The following ACVR1 variants were observed in gnomAD, a reference collection of about 807,000 sequenced individuals.
ACVR1 encodes activin A receptor type 1, also known as activin receptor type-1.
A neutral mutation model predicts 57.1 loss-of-function variants in ACVR1; 38 were observed. The ratio of observed to expected loss-of-function variants is 0.67; its 90% CI spans 0.51 to 0.87. ACVR1 has a LOEUF of 0.87. ACVR1 is among the 40% of genes least tolerant of loss of function. ACVR1 has a pLI of 0.00. For synonymous variants in ACVR1, 212 were observed against 228.1 expected (o/e 0.93, Z 0.63); for missense variants, 463 against 638.2 (o/e 0.73, Z 2.96).
intron 3 of ACVR1, among the ~76,000 whole-genome samples, chr2:157,783,954 G>A (rs879717810): frequency 4.6e-5 from 7 of 152,184 alleles, no homozygotes; most frequent in Admixed American, 2.6e-4. Flanking sequence ...CATTCGCTAC[G>A]TGCCACCTTG....
chr2:157,868,264 C>T (rs965542833), intron 1 of ACVR1, among the ~76,000 whole-genome samples: 3 of 151,774 alleles, frequency 2.0e-5, no homozygotes, highest in African/African-American at 7.3e-5. Context: ...GTGGGTGAAT[C>T]ACGAGGTCAG....
intron 9 of ACVR1, among the ~76,000 whole-genome samples, chr2:157,744,852 C>T (rs899340302): frequency 1.3e-5 from 2 of 152,186 alleles, no homozygotes; most frequent in Non-Finnish European, 2.9e-5. Flanking sequence ...GGCCGCTTGG[C>T]CCGGCCACAC....
At chr2:157,795,381 CA>C (rs879376033) in intron 3 of ACVR1, among the ~76,000 whole-genome samples, 277 of 6,130 alleles carry the variant, frequency 0.045, 1 homozygote, top group Middle Eastern at 0.15. Context: ...CCATAGAACA[CA>C]CACACACACA....
At chr2:157,851,894 CACACACACACACACA>C in intron 1 of ACVR1, among the ~76,000 whole-genome samples, 1 of 38,898 alleles carries the variant, frequency 2.6e-5, no homozygotes, top group African/African-American at 5.6e-5. Flanking sequence ...CACACACACA[CACACACACACACACA>C]CCACCCCCAC....
At chr2:157,851,897 AC>A (rs1559094029) in intron 1 of ACVR1, among the ~76,000 whole-genome samples, 4 of 6,314 alleles carry the variant, frequency 6.3e-4, no homozygotes, top group Non-Finnish European at 2.4e-3. Flanking sequence ...ACACACACAC[AC>A]ACACACACAC....
At chr2:157,822,998 A>G (rs1322236557) in intron 1 of ACVR1, among the ~76,000 whole-genome samples, 1 of 152,276 alleles carries the variant, frequency 6.6e-6, no homozygotes, top group African/African-American at 2.4e-5. Flanking sequence ...TAGGATATGT[A>G]TACAGTATGC....
chr2:157,777,374 TACAC>T (rs1395260214), intron 5 of ACVR1, among the ~76,000 whole-genome samples: 4 of 152,232 alleles, frequency 2.6e-5, no homozygotes, highest in East Asian at 1.9e-4. Context: ...AGGTGTAAAA[TACAC>T]ACAAGATTTT....
Sources: gnomAD v4.1 joint callset for allele counts (sites outside exome capture counted in the v4.1 genomes callset) on GRCh38, gnomAD v4.1.1 for gene constraint, MANE v1.5 for transcripts, NCBI Gene and HGNC (gene_info 2026-07-23, HGNC 2026-07-21) for gene names.